The following SPAG17 variants were observed in gnomAD, a reference collection of about 807,000 sequenced individuals.
SPAG17 encodes sperm associated antigen 17.
SPAG17 carries 169 observed loss-of-function variants against 273.6 expected under a neutral mutation model. That is an observed-to-expected ratio of 0.62 (90% CI 0.55 to 0.70). The LOEUF (loss-of-function observed/expected upper bound fraction) is 0.70, where lower values mean the gene tolerates loss of function less well. Among genes scored for constraint, SPAG17 ranks in the 30% least tolerant of loss-of-function variants. The pLI is 0.00. For missense variants in SPAG17, 2,557 were observed against 2,627.8 expected, an observed-to-expected ratio of 0.97 and a Z score of 0.59; for synonymous variants, 825 against 873.2, an observed-to-expected ratio of 0.94 and a Z score of 0.97.
intron 1 of SPAG17, among the ~76,000 whole-genome samples, chr1:118,177,483 C>T (rs1322185325): frequency 6.6e-6 from 1 of 152,028 alleles, no homozygotes; most frequent in Non-Finnish European, 1.5e-5. Flanking sequence ...TGGTTAGGGA[C>T]TCAGATCCAA....
chr1:118,034,080 C>A (rs539512265), intron 24 of SPAG17, among the ~76,000 whole-genome samples: 1 of 152,120 alleles, frequency 6.6e-6, no homozygotes, highest in Non-Finnish European at 1.5e-5. Flanking sequence ...AAGTGAATGG[C>A]GTTCAGTTTC....
intron 30 of SPAG17, among the ~76,000 whole-genome samples, chr1:118,008,654 T>G (rs1659157176): frequency 6.6e-6 from 1 of 152,166 alleles, no homozygotes; most frequent in African/African-American, 2.4e-5. Context: ...TGTACATATA[T>G]ATCATGAACA....
chr1:118,000,619 C>T (rs111940911), intron 32 of SPAG17, among the ~76,000 whole-genome samples: 2,964 of 152,118 alleles, frequency 0.019, 51 homozygotes, highest in Non-Finnish European at 0.031. Flanking sequence ...TTTGGCTCTC[C>T]GCTTGTCTGT....
chr1:117,990,956 T>C, intron 37 of SPAG17, 50 bp from the exon 38 acceptor site: 12 of 1,105,350 alleles, frequency 1.1e-5, no homozygotes, highest in Non-Finnish European at 1.5e-5. Context: ...TTACAAGACT[T>C]ACTTTGTTTA....
At chr1:117,996,966 T>A (rs1000530813) in intron 32 of SPAG17, among the ~76,000 whole-genome samples, 2 of 152,070 alleles carry the variant, frequency 1.3e-5, no homozygotes, top group Non-Finnish European at 2.9e-5. Flanking sequence ...GAACACAGAC[T>A]GAAACATATT....
Position 118,012,320 on chromosome 1 carries a change from G to C in SPAG17, c.4340C>G (p.Thr1447Ser), listed in dbSNP as rs146634731. 1.6e-5 allele frequency: 26 copies of C among 1,613,732 alleles called. No homozygotes were observed. The highest frequency in any genetic ancestry group is 6.7e-5 in the African/African-American group (5 of 75,016). ...KVVIVERKDGTRIVDHADGTR... is the reference protein window; with the variant it reads ...KVVIVERKDGSRIVDHADGTR... ...ACCATCAGCATGATCCACTATCCGA[G>C]TACCATCTTTCCTTTCAACTATGAC... Residue 1447 changes from threonine to serine, a missense_variant, in exon 30 of 49, where the codon ACT becomes AGT. By Grantham distance (58) the Thr-to-Ser change is moderately conservative (BLOSUM62 1). Coordinates refer to ENST00000336338, the MANE Select transcript of SPAG17 (RefSeq NM_206996.4).
chr1:118,154,399 A>G (rs1337304877), intron 1 of SPAG17, among the ~76,000 whole-genome samples: 1 of 152,198 alleles, frequency 6.6e-6, no homozygotes, highest in Non-Finnish European at 1.5e-5. Context: ...AGAAGGATGC[A>G]CTCATTGTGA....
chr1:118,003,922 G>T (rs1018688914), intron 32 of SPAG17, among the ~76,000 whole-genome samples: 6 of 152,158 alleles, frequency 3.9e-5, no homozygotes, highest in Admixed American at 3.3e-4. Flanking sequence ...CAGCTTTTCT[G>T]CTCTGGTTTC....
rs374145170 is a variant in SPAG17, at chr1:117,959,002, G to A, written c.*4797C>T. 20 of 1,613,386 alleles carry A rather than the reference G, an allele frequency of 1.2e-5. No individual in the cohort carries two copies. The highest frequency in any genetic ancestry group is 2.7e-5 in the African/African-American group (2 of 74,868). ...ACTATTTCAAAAGTCAGCCAAGTCC[G>A]GGTAAGTGTCTTTGTATAGAGATAA... is the stretch of plus-strand genomic sequence containing the variant. On this transcript the variant is annotated intron_variant, in intron 48 of 48. Transcript: ENST00000336338.
chr1:118,092,869 C>T (rs1426508583), intron 8 of SPAG17, among the ~76,000 whole-genome samples: 1 of 152,158 alleles, frequency 6.6e-6, no homozygotes, highest in Non-Finnish European at 1.5e-5. Flanking sequence ...TAGCACATAG[C>T]CAGGTGCTAA....
At chr1:118,035,173 C>T (rs1648938055) in intron 24 of SPAG17, among the ~76,000 whole-genome samples, 1 of 151,970 alleles carries the variant, frequency 6.6e-6, no homozygotes, top group Admixed American at 6.6e-5. Flanking sequence ...ATACCTTCAA[C>T]TTTTTAAAAA....
intron 4 of SPAG17, among the ~76,000 whole-genome samples, chr1:118,111,628 A>T (rs2802668): frequency 0.34 from 50,654 of 149,352 alleles, 9,029 homozygotes; most frequent in East Asian, 0.46. Flanking sequence ...AGTGTTTCGG[A>T]GTTTGGACTG....
intron 48 of SPAG17, chr1:117,963,576 G>T: frequency 3.3e-6 from 1 of 299,854 alleles, no homozygotes. Context: ...AAGTTAGCCA[G>T]GATGGTCTCG....
intron 31 of SPAG17, among the ~76,000 whole-genome samples, chr1:118,006,867 G>A (rs566559709): frequency 9.8e-5 from 15 of 152,310 alleles, no homozygotes; most frequent in Non-Finnish European, 1.8e-4. Flanking sequence ...AACTAATGAT[G>A]TTGAGCATCT....
chr1:118,165,470 G>A (rs965505247), intron 1 of SPAG17, among the ~76,000 whole-genome samples: 1 of 151,932 alleles, frequency 6.6e-6, no homozygotes, highest in Non-Finnish European at 1.5e-5. Flanking sequence ...AGACAACGAC[G>A]CTACTTCATC....
intron 7 of SPAG17, among the ~76,000 whole-genome samples, chr1:118,095,170 T>G (rs564548897): frequency 2.0e-5 from 3 of 152,324 alleles, no homozygotes; most frequent in Admixed American, 6.5e-5. Flanking sequence ...ACTACCACTT[T>G]CTTTAAAAGG....
At chr1:117,959,225 C>G (rs1037234955) in intron 48 of SPAG17, 155 of 1,551,780 alleles carry the variant, frequency 1.0e-4, no homozygotes, top group Non-Finnish European at 1.3e-4. Flanking sequence ...TACCCTAACT[C>G]TCATACGCTG....
intron 10 of SPAG17, among the ~76,000 whole-genome samples, chr1:118,088,167 A>G (rs1428151574): frequency 6.6e-6 from 1 of 152,142 alleles, no homozygotes; most frequent in Non-Finnish European, 1.5e-5. Flanking sequence ...GAAATGTCCA[A>G]TTCTAACATC....
At chr1:118,094,261 G>C (rs548253261) in intron 7 of SPAG17, among the ~76,000 whole-genome samples, 6 of 152,218 alleles carry the variant, frequency 3.9e-5, no homozygotes, top group African/African-American at 1.2e-4. Context: ...TTTATTTCTA[G>C]GAAATAGAGA....
Sources: gnomAD v4.1 joint callset for allele counts (sites outside exome capture counted in the v4.1 genomes callset) on GRCh38, gnomAD v4.1.1 for gene constraint, MANE v1.5 for transcripts, NCBI Gene and HGNC (gene_info 2026-07-23, HGNC 2026-07-21) for gene names.